PTPN22: variants seen among roughly 807,000 people sequenced by gnomAD.
The protein encoded by PTPN22 is tyrosine-protein phosphatase non-receptor type 22.
Under a neutral mutation model 103.3 loss-of-function variants are expected in PTPN22, and 85 were observed. That is an observed-to-expected ratio of 0.82 (90% confidence interval 0.69 to 0.99). The LOEUF (loss-of-function observed/expected upper bound fraction) is 0.99, where lower values mean the gene tolerates loss of function less well. PTPN22 is among the 50% of genes least tolerant of loss of function. The pLI, the probability that PTPN22 is intolerant of heterozygous loss-of-function variation, is 0.00. For synonymous variants in PTPN22, 323 were observed against 310.2 expected (o/e 1.04, Z -0.43); for missense variants, 865 against 936.9 (o/e 0.92, Z 1.00).
intron 1 of PTPN22, among the ~76,000 whole-genome samples, chr1:113,867,783 G>A (rs1185836285): frequency 6.6e-6 from 1 of 152,156 alleles, no homozygotes; most frequent in Admixed American, 6.5e-5. Context: ...CTGGCACAGG[G>A]AAAAGACATA....
At chr1:113,821,632 A>G (rs1285208066) in intron 19 of PTPN22, among the ~76,000 whole-genome samples, 6 of 152,150 alleles carry the variant, frequency 3.9e-5, no homozygotes, top group African/African-American at 9.6e-5. Context: ...TATCATGGAT[A>G]TATTTATGCT....
At chr1:113,867,828 G>A (rs1444228433) in intron 1 of PTPN22, among the ~76,000 whole-genome samples, 1 of 152,170 alleles carries the variant, frequency 6.6e-6, no homozygotes, top group Non-Finnish European at 1.5e-5. Flanking sequence ...GCCATTAACA[G>A]GACTGCCACA....
intron 1 of PTPN22, among the ~76,000 whole-genome samples, chr1:113,866,655 G>C (rs531195577): frequency 6.6e-6 from 1 of 152,070 alleles, no homozygotes; most frequent in Non-Finnish European, 1.5e-5. Flanking sequence ...GAAAATATGA[G>C]AACACAAAAT....
chr1:113,833,982 T>G (rs1662767666), intron 15 of PTPN22, among the ~76,000 whole-genome samples: 1 of 152,216 alleles, frequency 6.6e-6, no homozygotes, highest in Admixed American at 6.5e-5. Context: ...TTTCACTAAA[T>G]CTTCCTTGAT....
chr1:113,843,531 G>T lies in PTPN22; in HGVS notation c.916-4911C>A, dbSNP rs115513425. Among the ~76,000 whole-genome samples, 342 of 152,294 alleles carry T rather than the reference G, an allele frequency of 2.2e-3. 4 individuals are homozygous for T. The highest frequency in any genetic ancestry group is 7.9e-3 in the African/African-American group (327 of 41,550). On this transcript the variant is annotated intron_variant, in intron 11 of 20. Transcript: ENST00000359785. ...AAGGATGGTTGCCAGGGGCCAGTGGGAGGGGAGAATAGGGAGTTATTGTTT... is the reference window on the plus strand; with the variant it reads ...AAGGATGGTTGCCAGGGGCCAGTGGTAGGGGAGAATAGGGAGTTATTGTTT...
At chr1:113,831,280 C>T (rs928000253) in intron 16 of PTPN22, among the ~76,000 whole-genome samples, 4 of 152,084 alleles carry the variant, frequency 2.6e-5, no homozygotes, top group Admixed American at 1.3e-4. Flanking sequence ...TAAGATTTGC[C>T]ATTAGTGACA....
At chr1:113,851,400 C>G (rs1011186670) in intron 10 of PTPN22, among the ~76,000 whole-genome samples, 1 of 152,102 alleles carries the variant, frequency 6.6e-6, no homozygotes, top group Non-Finnish European at 1.5e-5. Context: ...GTGATCCACC[C>G]ACCTTGGCCT....
intron 1 of PTPN22, among the ~76,000 whole-genome samples, chr1:113,869,131 G>A (rs1321121976): frequency 6.6e-6 from 1 of 152,074 alleles, no homozygotes; most frequent in African/African-American, 2.4e-5. Context: ...CAGGAAAATC[G>A]CTTGAACCAG....
chr1:113,853,708 GTC>G (rs1203270259), intron 9 of PTPN22, among the ~76,000 whole-genome samples: 1 of 150,286 alleles, frequency 6.7e-6, no homozygotes, highest in Non-Finnish European at 1.5e-5. Context: ...TTGAGACGGA[GTC>G]TCTCTCTGTC....
chr1:113,844,491 T>G (rs1250739770), intron 11 of PTPN22, among the ~76,000 whole-genome samples: 1 of 152,164 alleles, frequency 6.6e-6, no homozygotes, highest in African/African-American at 2.4e-5. Flanking sequence ...ATTCTGATTT[T>G]TCTCTATTAT....
intron 1 of PTPN22, among the ~76,000 whole-genome samples, chr1:113,862,696 C>T (rs557136776): frequency 1.3e-5 from 2 of 152,252 alleles, no homozygotes; most frequent in Admixed American, 1.3e-4. Flanking sequence ...TTAAACTTGG[C>T]CCTCCTGTGC....
chr1:113,869,840 C>A (rs1666430279), intron 1 of PTPN22, among the ~76,000 whole-genome samples: 1 of 152,200 alleles, frequency 6.6e-6, no homozygotes, highest in Non-Finnish European at 1.5e-5. Flanking sequence ...TGTGCTAGAA[C>A]TTCCTACTTA....
chr1:113,819,075 G>A lies in PTPN22; in HGVS notation c.2359+502C>T, dbSNP rs571762030. On this transcript the variant is annotated intron_variant, in intron 20 of 20. Transcript: ENST00000359785. ...TAGTACATAAATATGTATCACATAG[G>A]ACAATAGAATGCTTAGAAGAATATA... Among the ~76,000 whole-genome samples the A allele has an allele frequency of 1.9e-4, 29 of 152,218 alleles. 2 individuals carry two copies. In the South Asian group the frequency reaches 5.8e-3, roughly 30 times the overall value.
At chr1:113,855,138 AT>A in intron 7 of PTPN22, 89 bp from the exon 8 acceptor site, 1 of 1,179,576 alleles carries the variant, frequency 8.5e-7, no homozygotes, top group South Asian at 1.4e-5. Context: ...GGGTGATGGG[AT>A]TATTCAGTGG....
At chr1:113,870,278 C>G (rs1666469068) in intron 1 of PTPN22, among the ~76,000 whole-genome samples, 1 of 152,054 alleles carries the variant, frequency 6.6e-6, no homozygotes, top group Non-Finnish European at 1.5e-5. Context: ...AAGAACATGT[C>G]AAATACTTCA....
chr1:113,863,135 C>T (rs1665765146), intron 1 of PTPN22, among the ~76,000 whole-genome samples: 1 of 152,132 alleles, frequency 6.6e-6, no homozygotes, highest in Non-Finnish European at 1.5e-5. Context: ...CCTTGTCACC[C>T]AGCAGAGAGT....
chr1:113,839,712 A>ATT lies in PTPN22; in HGVS notation c.916-1093_916-1092insAA, dbSNP rs1663355781. Among the ~76,000 whole-genome samples, 5 of 152,156 alleles carry ATT rather than the reference A, an allele frequency of 3.3e-5. No individual in the cohort carries two copies. The South Asian group carries it at 1.0e-3, about 32-fold the overall frequency. ...CTTAACAAAATAGGAATATAAGGAA[A>ATT]TGTTCTCAACATGATAGAGGCCATA... On this transcript the variant is annotated intron_variant, in intron 11 of 20. Transcript: ENST00000359785.
intron 1 of PTPN22, among the ~76,000 whole-genome samples, chr1:113,868,025 T>C (rs1240538323): frequency 6.6e-6 from 1 of 152,242 alleles, no homozygotes; most frequent in Non-Finnish European, 1.5e-5. Context: ...CCTAATACAA[T>C]GTAAATGCTA....
exon 13 of PTPN22, chr1:113,838,244 T>C: frequency 1.9e-6 from 3 of 1,614,168 alleles, no homozygotes; most frequent in Non-Finnish European, 2.5e-6. Context: ...TTGTCAAAAC[T>C]GTAATTTAGC....
Sources: gnomAD v4.1 joint callset for allele counts (sites outside exome capture counted in the v4.1 genomes callset) on GRCh38, gnomAD v4.1.1 for gene constraint, MANE v1.5 for transcripts, NCBI Gene and HGNC (gene_info 2026-07-23, HGNC 2026-07-21) for gene names.